BTBD9: variants seen among roughly 807,000 people sequenced by gnomAD.
BTBD9 encodes the protein BTB/POZ domain-containing protein 9.
A neutral mutation model predicts 64.3 loss-of-function variants in BTBD9; 49 were observed. The observed-to-expected ratio is 0.76, with a 90% CI of 0.61 to 0.97. BTBD9 has a LOEUF of 0.97. Among genes scored for constraint, BTBD9 ranks in the 50% least tolerant of loss-of-function variants. The pLI is 0.00. For synonymous variants in BTBD9, 260 were observed against 274.7 expected (o/e 0.95, Z 0.53); for missense variants, 598 against 762.1 (o/e 0.78, Z 2.53).
chr6:38,213,800 T>G (rs1762915717), intron 9 of BTBD9, among the ~76,000 whole-genome samples: 1 of 151,784 alleles, frequency 6.6e-6, no homozygotes, highest in South Asian at 2.1e-4. Context: ...GCTAACATGG[T>G]GAAACCCCAT....
intron 9 of BTBD9, among the ~76,000 whole-genome samples, chr6:38,202,083 T>A (rs1762481593): frequency 7.1e-6 from 1 of 140,628 alleles, no homozygotes; most frequent in South Asian, 2.2e-4. Flanking sequence ...GTCGTTTTTT[T>A]TGTTTTTTTT....
chr6:38,546,951 GC>G lies in BTBD9; in HGVS notation c.1154+30648del, dbSNP rs1390132334. Among the ~76,000 whole-genome samples the G allele has an allele frequency of 7.2e-5, 11 of 152,334 alleles. No individual in the cohort carries two copies. In the East Asian group the frequency reaches 2.1e-3, roughly 29 times the overall value. The stretch of plus-strand genomic sequence containing the variant: ...CCAAGTGTTGGGATTACAGGCATGA[GC>G]CACTGCAATCAGCCTATGGTGATCT... On this transcript the variant is annotated intron_variant, in intron 6 of 10. Transcript: ENST00000481247.
intron 6 of BTBD9, among the ~76,000 whole-genome samples, chr6:38,396,271 A>C (rs1766667692): frequency 6.6e-6 from 1 of 152,248 alleles, no homozygotes; most frequent in Non-Finnish European, 1.5e-5. Flanking sequence ...GGAACTGAAC[A>C]GAAGAAAGAT....
At chr6:38,405,963 T>C (rs1014862742) in intron 6 of BTBD9, among the ~76,000 whole-genome samples, 4 of 151,980 alleles carry the variant, frequency 2.6e-5, no homozygotes, top group African/African-American at 9.7e-5. Flanking sequence ...GGCAGTGAAA[T>C]GTGGGTGCTT....
At chr6:38,294,290 C>T (rs112571843) in intron 7 of BTBD9, among the ~76,000 whole-genome samples, 4,031 of 152,250 alleles carry the variant, frequency 0.026, 174 homozygotes, top group African/African-American at 0.092. Flanking sequence ...ACCAGAAATA[C>T]CATTTGACCC....
intron 6 of BTBD9, among the ~76,000 whole-genome samples, chr6:38,349,255 G>A (rs1764407329): frequency 6.6e-6 from 1 of 151,998 alleles, no homozygotes; most frequent in Admixed American, 6.6e-5. Flanking sequence ...AACTTTACAG[G>A]GTACTTAAAT....
chr6:38,480,846 T>C (rs528333883), intron 6 of BTBD9, among the ~76,000 whole-genome samples: 1 of 152,144 alleles, frequency 6.6e-6, no homozygotes. Context: ...GTAGTGTTGG[T>C]AGACAGCATA....
chr6:38,381,471 C>A (rs1172276628), intron 6 of BTBD9, among the ~76,000 whole-genome samples: 1 of 152,040 alleles, frequency 6.6e-6, no homozygotes, highest in East Asian at 1.9e-4. Context: ...CAAAAAGTAG[C>A]AAACTGAGAA....
At chr6:38,361,307 G>A (rs1057512029) in intron 6 of BTBD9, among the ~76,000 whole-genome samples, 1 of 152,172 alleles carries the variant, frequency 6.6e-6, no homozygotes, top group Non-Finnish European at 1.5e-5. Context: ...ACTTTGGGAG[G>A]CTGAAGCGGG....
intron 9 of BTBD9, among the ~76,000 whole-genome samples, chr6:38,209,467 G>A (rs1364774639): frequency 6.6e-6 from 1 of 152,222 alleles, no homozygotes; most frequent in Non-Finnish European, 1.5e-5. Context: ...CCTGCTGCCT[G>A]CCTTCCCTTG....
intron 6 of BTBD9, among the ~76,000 whole-genome samples, chr6:38,557,270 C>T (rs997760427): frequency 1.3e-5 from 2 of 151,608 alleles, no homozygotes; most frequent in African/African-American, 2.4e-5. Flanking sequence ...CACTTCACCC[C>T]GGAGGCAGAG....
At chr6:38,318,037 C>T (rs776608044) in intron 7 of BTBD9, among the ~76,000 whole-genome samples, 7 of 149,162 alleles carry the variant, frequency 4.7e-5, no homozygotes, top group Non-Finnish European at 7.4e-5. Flanking sequence ...TGGGTTCAAG[C>T]GATTCTCCTG....
chr6:38,577,780 T>C, intron 5 of BTBD9, 61 bp from the exon 6 acceptor site: 1 of 1,465,612 alleles, frequency 6.8e-7, no homozygotes, highest in Non-Finnish European at 9.3e-7. Context: ...TACAAAGCTG[T>C]ACTTTAATAA....
chr6:38,402,488 A>G (rs1766975582), intron 6 of BTBD9, among the ~76,000 whole-genome samples: 1 of 152,220 alleles, frequency 6.6e-6, no homozygotes, highest in African/African-American at 2.4e-5. Flanking sequence ...GGGTAGACAT[A>G]TAAACCAACA....
intron 1 of BTBD9, chr6:38,612,885 G>A (rs1410005893): frequency 1.3e-5 from 2 of 151,834 alleles, no homozygotes; most frequent in African/African-American, 4.8e-5. Context: ...ACCAAGGTTT[G>A]CTCTCTTGGG....
chr6:38,198,868 G>T (rs1276555488), intron 9 of BTBD9, among the ~76,000 whole-genome samples: 2 of 152,114 alleles, frequency 1.3e-5, no homozygotes, highest in East Asian at 3.9e-4. Context: ...GAAGAATGAG[G>T]AGGTATGACT....
In BTBD9 at chr6:38,256,522, C is replaced by G. The variant is rs1305887816; in HGVS notation, c.1455-6G>C. On this transcript the variant is annotated splice_region_variant and splice_polypyrimidine_tract_variant and intron_variant, in intron 8 of 10. Transcript: ENST00000481247. ...CACAATCCCAAAGTAGTAACCTGAACAAAGGGAAAAACATAAGATTGCTGT... is the reference window on the plus strand; with the variant it reads ...CACAATCCCAAAGTAGTAACCTGAAGAAAGGGAAAAACATAAGATTGCTGT... 1 of 1,595,528 alleles carries G rather than the reference C, an allele frequency of 6.3e-7. No homozygotes were observed. The highest frequency in any genetic ancestry group is 1.1e-5 in the South Asian group (1 of 90,310).
chr6:38,382,704 A>G, intron 6 of BTBD9, among the ~76,000 whole-genome samples: 1 of 152,086 alleles, frequency 6.6e-6, no homozygotes, highest in East Asian at 1.9e-4. Flanking sequence ...GAAAGGACAA[A>G]CAATTTTAGG....
intron 6 of BTBD9, among the ~76,000 whole-genome samples, chr6:38,494,753 T>C (rs1333462808): frequency 1.3e-5 from 2 of 152,248 alleles, no homozygotes; most frequent in East Asian, 3.8e-4. Context: ...TAGGAAAAGA[T>C]AACCCTTTGG....
Sources: gnomAD v4.1 joint callset for allele counts (sites outside exome capture counted in the v4.1 genomes callset) on GRCh38, gnomAD v4.1.1 for gene constraint, MANE v1.5 for transcripts, NCBI Gene and HGNC (gene_info 2026-07-23, HGNC 2026-07-21) for gene names.